Variants in COG3 observed in about 807,000 individuals in gnomAD.
The protein encoded by COG3 is component of oligomeric golgi complex 3.
In COG3, 32 loss-of-function variants were observed where a neutral mutation model predicts 114.1. That is an observed-to-expected ratio of 0.28 (90% confidence interval 0.21 to 0.38). The LOEUF is 0.38. Ranked by LOEUF, COG3 falls within the 10% of genes least tolerant of loss-of-function variation. The pLI is 1.00. For synonymous variants in COG3, 352 were observed against 365.7 expected (o/e 0.96, Z 0.43); for missense variants, 813 against 973.2 (o/e 0.84, Z 2.19).
At chr13:45,519,164 T>C in intron 19 of COG3, 70 bp downstream of exon 19, 1 of 1,539,236 alleles carries the variant, frequency 6.5e-7, no homozygotes, top group Non-Finnish European at 8.9e-7. Flanking sequence ...TGAATTACTC[T>C]CTTGTGTAAA....
chr13:45,475,506 T>C (rs1217782576), intron 1 of COG3, among the ~76,000 whole-genome samples: 1 of 152,050 alleles, frequency 6.6e-6, no homozygotes, highest in Non-Finnish European at 1.5e-5. Context: ...ACCCGGTCAT[T>C]GGGTGTGATT....
At chr13:45,483,570 G>A (rs1330637887) in intron 7 of COG3, among the ~76,000 whole-genome samples, 3 of 152,098 alleles carry the variant, frequency 2.0e-5, no homozygotes, top group East Asian at 3.8e-4. Flanking sequence ...ATGTTTAATA[G>A]TGTGAGAAGT....
At chr13:45,511,660 C>A in intron 15 of COG3, 105 bp from the exon 16 acceptor site, 1 of 806,822 alleles carries the variant, frequency 1.2e-6, no homozygotes, top group East Asian at 2.5e-5. Flanking sequence ...TTAATCCAAC[C>A]ATGAGGGCAA....
Position 45,496,192 on chromosome 13 carries a change from G to T in COG3, c.1368G>T (p.Met456Ile), listed in dbSNP as rs752579306. The T allele has an allele frequency of 1.2e-6, 2 of 1,611,410 alleles. No homozygotes were observed. Among genetic ancestry groups the T allele is most frequent in the African/African-American group, 1.3e-5 (1 of 74,852 alleles). ...CATTTGCAGCTGGAGTCAAGCAGAT[G>T]TTAGAAGATGTACAGGAGCGGCTCG... ...LGAFAAGVKQ[M>I]LEDVQERLVY... The change falls in exon 13 of 23, where the codon ATG (methionine) becomes ATT (isoleucine). Residue 456 changes from methionine to isoleucine, a missense_variant. Physicochemically the swap from Met to Ile is conservative, Grantham distance 10. Around this residue, in one of 2 missense-constraint regions of COG3, gnomAD observed 389 missense variants for 542.6 expected, o/e 0.72. Coordinates refer to ENST00000349995, the MANE Select transcript of COG3 (RefSeq NM_031431.4).
Position 45,486,591 on chromosome 13 carries a change from T to C in COG3, c.924+16T>C, listed in dbSNP as rs753187949. ...CAAAGTCAGAGTAAGTCTATTGACA[T>C]AACTAGGACATTGCTATGAAATTTG... On this transcript the variant is annotated intron_variant, in intron 8 of 22. Coordinates refer to ENST00000349995, the MANE Select transcript of COG3 (RefSeq NM_031431.4). 3 of 1,476,798 alleles carry C rather than the reference T, an allele frequency of 2.0e-6. No homozygotes were observed. The highest frequency in any genetic ancestry group is 2.8e-6 in the Non-Finnish European group (3 of 1,055,352). 91.5% of individuals were successfully genotyped at this position (1,476,798 alleles called of 1,614,324 possible). A position where few individuals can be genotyped will look rare whatever the true frequency, so the allele number is the denominator to read the frequency against.
chr13:45,487,321 A>G (rs1886728837), intron 8 of COG3, among the ~76,000 whole-genome samples: 1 of 152,242 alleles, frequency 6.6e-6, no homozygotes, highest in South Asian at 2.1e-4. Flanking sequence ...GTTTTAGGAC[A>G]TTGGTCTAGG....
rs1871076737 is a variant in COG3, at chr13:45,513,202, ATATACATATAAATTATATATATATAAT to A, written c.1809+1349_1809+1375del. Among the ~76,000 whole-genome samples, 6 of 90,568 alleles carry A rather than the reference ATATACATATAAATTATATATATATAAT, an allele frequency of 6.6e-5. No homozygotes were observed. The Admixed American group carries it at 7.9e-4, about 12-fold the overall frequency. 59.4% of individuals were successfully genotyped at this position (90,568 alleles called of 152,430 possible). ...AGGCTTTTATATATATATATATAATATATACATATAAATTATATATATATAATATATACATATAAATTATACATATAA... is the reference window on the plus strand; with the variant it reads ...AGGCTTTTATATATATATATATAATAATATACATATAAATTATACATATAA... On this transcript the variant is annotated intron_variant, in intron 16 of 22. Transcript: ENST00000349995.
Position 45,490,958 on chromosome 13 carries a change from A to G in COG3, c.968A>G (p.Glu323Gly). 6.3e-7 allele frequency: 1 copy of G among 1,587,678 alleles called. No individual in the cohort carries two copies. The change falls in exon 9 of 23, where the codon GAA (glutamate) becomes GGA (glycine). Residue 323 changes from glutamate (E) to glycine (G), a missense_variant and splice_region_variant. Physicochemically the swap from Glu to Gly is moderately conservative, Grantham distance 98. Around this residue, in one of 2 missense-constraint regions of COG3, gnomAD observed 424 missense variants for 430.6 expected, o/e 0.98. Transcript: ENST00000349995. The part of the protein sequence containing the change: ...QIELRSEKIP[E>G]YQQLLNDIHQ... ...GAACTGCGGTCTGAAAAAATACCTG[A>G]GTGAGTACCTAGAAGTTAATCTGAT...
intron 13 of COG3, 21 bp downstream of exon 13, chr13:45,496,333 C>T (rs1170930414): frequency 2.6e-6 from 4 of 1,530,596 alleles, no homozygotes; most frequent in Non-Finnish European, 3.5e-6. Context: ...CTTACTTGAT[C>T]TCCCGTCTGC....
At chr13:45,505,611 GCTTT>G (rs1402645653) in intron 14 of COG3, among the ~76,000 whole-genome samples, 3 of 150,670 alleles carry the variant, frequency 2.0e-5, no homozygotes, top group Admixed American at 1.3e-4. Context: ...GACCAATCCT[GCTTT>G]CTTTTTACTT....
At chr13:45,500,094 G>GTGTGTA (rs1321310200) in intron 13 of COG3, among the ~76,000 whole-genome samples, 1 of 114,840 alleles carries the variant, frequency 8.7e-6, no homozygotes, top group African/African-American at 3.5e-5. Context: ...GTGTGTGTGT[G>GTGTGTA]TATATATATA....
intron 1 of COG3, among the ~76,000 whole-genome samples, chr13:45,471,717 C>T (rs1261075181): frequency 1.4e-5 from 2 of 139,770 alleles, no homozygotes; most frequent in Non-Finnish European, 3.0e-5. Flanking sequence ...AATGAATTCT[C>T]TCAGCTTTTG....
intron 7 of COG3, among the ~76,000 whole-genome samples, chr13:45,484,649 G>A (rs1309113314): frequency 6.9e-6 from 1 of 145,728 alleles, no homozygotes; most frequent in Non-Finnish European, 1.5e-5. Flanking sequence ...TTCTCACAGA[G>A]GGGGATTTGG....
At position 45,518,622 on chromosome 13, in the gene COG3, A is replaced by T. The variant is rs554108691; in HGVS notation, c.1931-140A>T. ...TGTAGCCATCACTGGTGCTCATCTCACTCTCAGCCTTTCATGGAGGTGAGT... is the reference window on the plus strand; with the variant it reads ...TGTAGCCATCACTGGTGCTCATCTCTCTCTCAGCCTTTCATGGAGGTGAGT... On this transcript the variant is annotated intron_variant, in intron 17 of 22. Coordinates refer to ENST00000349995, the MANE Select transcript of COG3 (RefSeq NM_031431.4). The T allele has an allele frequency of 2.0e-4, 127 of 625,142 alleles. 2 individuals are homozygous for T. The South Asian group carries it at 2.3e-3, about 11-fold the overall frequency. The allele number at this position is 625,142 out of a possible 1,614,324, so 38.7% of individuals were successfully genotyped here.
At chr13:45,500,049 T>TGTGTGTGTGTGTGA (rs1869300734) in intron 13 of COG3, among the ~76,000 whole-genome samples, 2 of 120,672 alleles carry the variant, frequency 1.7e-5, no homozygotes, top group African/African-American at 6.8e-5. Flanking sequence ...TATGTGTGTG[T>TGTGTGTGTGTGTGA]GTGTGTGTGT....
At chr13:45,494,683 C>T (rs1377287840) in intron 12 of COG3, among the ~76,000 whole-genome samples, 1 of 151,866 alleles carries the variant, frequency 6.6e-6, no homozygotes, top group African/African-American at 2.4e-5. Context: ...TGCCACCATG[C>T]CCAGCTATTT....
Position 45,534,755 on chromosome 13 carries a change from T to A in COG3, c.*24T>A. On this transcript the variant is annotated 3_prime_UTR_variant, in exon 23 of 23. Transcript: ENST00000349995. Reference sequence around the variant, plus strand: ...AAGCAGGCCAGCCGGGCTGTGCACCTAAATGTCTGTCTGGGAGGAGCAGGC... The same window carrying A: ...AAGCAGGCCAGCCGGGCTGTGCACCAAAATGTCTGTCTGGGAGGAGCAGGC... 6.4e-7 allele frequency: 1 copy of A among 1,551,444 alleles called. No homozygotes were observed. Among genetic ancestry groups the A allele is most frequent in the Non-Finnish European group, 8.7e-7 (1 of 1,147,704 alleles).
intron 17 of COG3, among the ~76,000 whole-genome samples, chr13:45,518,016 T>C (rs1871725523): frequency 6.6e-6 from 1 of 152,212 alleles, no homozygotes; most frequent in African/African-American, 2.4e-5. Context: ...AACTATTTAC[T>C]AAAGCTTTAC....
chr13:45,475,864 T>C (rs1041251433), intron 1 of COG3, among the ~76,000 whole-genome samples: 2 of 151,508 alleles, frequency 1.3e-5, no homozygotes, highest in African/African-American at 2.4e-5. Context: ...TACTTGGAGA[T>C]TGAGGTGGGA....
Sources: gnomAD v4.1 joint callset for allele counts (sites outside exome capture counted in the v4.1 genomes callset) on GRCh38, gnomAD v4.1.1 for gene constraint, gnomAD v4.1.1 regional missense constraint, MANE v1.5 for transcripts, NCBI Gene and HGNC (gene_info 2026-07-23, HGNC 2026-07-21) for gene names.